The following ADAM9 variants were observed in gnomAD, a reference collection of about 807,000 sequenced individuals.
ADAM9 encodes ADAM metallopeptidase domain 9.
In ADAM9, 54 loss-of-function variants were observed where a neutral mutation model predicts 108.1. That is an observed-to-expected ratio of 0.50 (90% CI 0.40 to 0.63). The LOEUF is 0.63. Among genes scored for constraint, ADAM9 ranks in the 20% least tolerant of loss-of-function variants. The pLI is 0.00. For missense variants in ADAM9, 830 were observed against 997.7 expected (o/e 0.83, Z 2.26); for synonymous variants, 316 against 336.0 (o/e 0.94, Z 0.65).
rs751740643 is a variant in ADAM9, at chr8:39,035,937, C to T, written c.1131-6009C>T. 3.9e-5 allele frequency among the ~76,000 whole-genome samples: 6 copies of T among 152,094 alleles called. 1 individual carries two copies. Among genetic ancestry groups the T allele is most frequent in the Non-Finnish European group, 8.8e-5 (6 of 68,004 alleles). ...CCTCAGATTCCTTTTTACTACCAAGCTGATATTAAACTTTCTTTTTTTGAG... is the reference window on the plus strand; with the variant it reads ...CCTCAGATTCCTTTTTACTACCAAGTTGATATTAAACTTTCTTTTTTTGAG... On this transcript the variant is annotated intron_variant, in intron 11 of 21. Coordinates refer to ENST00000487273, the MANE Select transcript of ADAM9 (RefSeq NM_003816.3).
intron 20 of ADAM9, among the ~76,000 whole-genome samples, chr8:39,096,981 A>T (rs2129443489): frequency 6.6e-6 from 1 of 152,184 alleles, no homozygotes; most frequent in East Asian, 1.9e-4. Flanking sequence ...TTGGTAATTT[A>T]TATATATCTG....
intron 20 of ADAM9, among the ~76,000 whole-genome samples, chr8:39,099,884 T>G (rs1839631419): frequency 6.9e-6 from 1 of 144,986 alleles, no homozygotes; most frequent in Admixed American, 6.9e-5. Context: ...TGTTTTTTTT[T>G]TTTTTTTTTT....
At chr8:39,094,613 T>C (rs1043225506) in intron 20 of ADAM9, among the ~76,000 whole-genome samples, 2 of 152,164 alleles carry the variant, frequency 1.3e-5, no homozygotes, top group Non-Finnish European at 2.9e-5. Flanking sequence ...TTATTATTGA[T>C]CTTTTCAGAT....
Position 39,104,829 on chromosome 8 carries a change from G to A in ADAM9, c.*1129G>A. On this transcript the variant is annotated 3_prime_UTR_variant, in exon 22 of 22. Coordinates refer to ENST00000487273, the MANE Select transcript of ADAM9 (RefSeq NM_003816.3). ...AATGAATTTTTACTATGGCAGATAT[G>A]GTATGGATCGTAAAATTTTAAGCAC... 2.2e-6 allele frequency: 1 copy of A among 452,146 alleles called. No homozygotes were observed. The highest frequency in any genetic ancestry group is 4.4e-6 in the Non-Finnish European group (1 of 226,238). 28.0% of individuals were successfully genotyped at this position (452,146 alleles called of 1,614,324 possible). A position where few individuals can be genotyped will look rare whatever the true frequency, so the allele number is the denominator to read the frequency against.
intron 16 of ADAM9, among the ~76,000 whole-genome samples, chr8:39,081,425 A>G (rs1008103030): frequency 1.4e-4 from 22 of 152,338 alleles, no homozygotes; most frequent in East Asian, 5.8e-4. Flanking sequence ...GGTGTCCGCT[A>G]TGAATCAATT....
intron 12 of ADAM9, among the ~76,000 whole-genome samples, chr8:39,049,641 G>A (rs1211398758): frequency 6.6e-6 from 1 of 151,966 alleles, no homozygotes; most frequent in African/African-American, 2.4e-5. Flanking sequence ...GTTTTACCAT[G>A]TTGTCCAGGC....
At chr8:39,096,435 T>G (rs1839510224) in intron 20 of ADAM9, among the ~76,000 whole-genome samples, 1 of 152,150 alleles carries the variant, frequency 6.6e-6, no homozygotes, top group Admixed American at 6.5e-5. Flanking sequence ...ACTCTACCCC[T>G]TTATATTTCT....
At chr8:39,002,114 G>A (rs1018278878) in intron 1 of ADAM9, among the ~76,000 whole-genome samples, 4 of 144,128 alleles carry the variant, frequency 2.8e-5, no homozygotes, top group African/African-American at 1.0e-4. Context: ...ATAGTGCTTT[G>A]TAGATCTAAT....
At chr8:39,066,383 T>C (rs906927720) in intron 14 of ADAM9, among the ~76,000 whole-genome samples, 24 of 152,344 alleles carry the variant, frequency 1.6e-4, no homozygotes, top group Middle Eastern at 3.4e-3. Context: ...GTAAAAGTGT[T>C]CCTATTTCTC....
intron 14 of ADAM9, among the ~76,000 whole-genome samples, chr8:39,070,152 CAAA>C (rs5891052): frequency 2.1e-4 from 17 of 81,374 alleles, no homozygotes; most frequent in East Asian, 3.6e-4. Flanking sequence ...GACTCTGTCT[CAAA>C]AAAAAAAAAA....
intron 18 of ADAM9, among the ~76,000 whole-genome samples, chr8:39,089,552 T>G (rs577410127): frequency 1.6e-4 from 24 of 152,378 alleles, no homozygotes; most frequent in Admixed American, 1.5e-3. Flanking sequence ...ATACAACATA[T>G]GTGCAAGGTT....
At chr8:39,044,956 ATGTG>A (rs773025676) in intron 12 of ADAM9, among the ~76,000 whole-genome samples, 1 of 134,880 alleles carries the variant, frequency 7.4e-6, no homozygotes, top group Non-Finnish European at 1.6e-5. Context: ...GTATGTGTAT[ATGTG>A]TGTGCACACA....
At chr8:39,067,577 T>C (rs1838526117) in intron 14 of ADAM9, among the ~76,000 whole-genome samples, 1 of 152,232 alleles carries the variant, frequency 6.6e-6, no homozygotes, top group Admixed American at 6.5e-5. Context: ...ATGCTTGTGA[T>C]TTTTGCACAT....
intron 1 of ADAM9, among the ~76,000 whole-genome samples, chr8:39,002,443 C>T (rs542601851): frequency 3.6e-4 from 55 of 151,500 alleles, no homozygotes; most frequent in African/African-American, 1.2e-3. Context: ...CTCAGCCTCC[C>T]GAGTAGCTGG....
At chr8:39,011,822 A>T in intron 3 of ADAM9, 106 bp downstream of exon 3, 1 of 1,063,488 alleles carries the variant, frequency 9.4e-7, no homozygotes, top group Non-Finnish European at 1.4e-6. Flanking sequence ...CCTGGGATTA[A>T]GCAGATTTAG....
At chr8:39,052,837 G>T (rs1342623630) in intron 12 of ADAM9, among the ~76,000 whole-genome samples, 2 of 152,064 alleles carry the variant, frequency 1.3e-5, no homozygotes, top group Non-Finnish European at 2.9e-5. Flanking sequence ...TTTTAATACT[G>T]TTGGGTAAAT....
intron 15 of ADAM9, among the ~76,000 whole-genome samples, chr8:39,075,237 T>TA (rs1838819015): frequency 6.6e-6 from 1 of 152,172 alleles, no homozygotes; most frequent in Non-Finnish European, 1.5e-5. Context: ...GAATTCAGGT[T>TA]AAATATTTTT....
At chr8:39,067,310 G>A (rs1399591087) in intron 14 of ADAM9, among the ~76,000 whole-genome samples, 1 of 152,182 alleles carries the variant, frequency 6.6e-6, no homozygotes, top group African/African-American at 2.4e-5. Flanking sequence ...TAGCTTGATG[G>A]GGATGGCATT....
intron 8 of ADAM9, 79 bp from the exon 9 acceptor site, chr8:39,023,077 C>A: frequency 8.0e-7 from 1 of 1,250,352 alleles, no homozygotes; most frequent in Non-Finnish European, 1.1e-6. Context: ...ATTTAAGTAG[C>A]CGTGTTACTT....
Sources: allele counts gnomAD v4.1 joint callset (sites outside exome capture counted in the v4.1 genomes callset), GRCh38; gene constraint gnomAD v4.1.1; transcripts MANE v1.5; gene names NCBI Gene and HGNC (gene_info 2026-07-23, HGNC 2026-07-21).